Variants in MPRIP observed in about 807,000 individuals in gnomAD.
MPRIP encodes the protein myosin phosphatase Rho-interacting protein.
A neutral mutation model predicts 234.9 loss-of-function variants in MPRIP; 59 were observed. The observed-to-expected ratio is 0.25, with a 90% confidence interval of 0.20 to 0.31. The LOEUF (loss-of-function observed/expected upper bound fraction) is 0.31. MPRIP is among the 10% of genes least tolerant of loss of function. The probability of loss-of-function intolerance (pLI) is 1.00; values close to 1 mark genes in which losing one functional copy is unlikely to be tolerated. For missense variants in MPRIP, 2,436 were observed against 3,071.0 expected (o/e 0.79, Z 4.89); for synonymous variants, 1,144 against 1,263.9 (o/e 0.91, Z 2.01).
At chr17:17,115,513 T>C (rs1327367183) in intron 3 of MPRIP, among the ~76,000 whole-genome samples, 3 of 152,252 alleles carry the variant, frequency 2.0e-5, no homozygotes, top group African/African-American at 4.8e-5. Flanking sequence ...GCTGAGCCTG[T>C]GGTTTCTCCC....
intron 4 of MPRIP, 49 bp from the exon 5 acceptor site, chr17:17,131,568 C>T: frequency 1.3e-6 from 2 of 1,537,740 alleles, no homozygotes; most frequent in Non-Finnish European, 1.8e-6. Flanking sequence ...GCTCCTAGTC[C>T]CCGAGTGCCA....
chr17:17,151,714 A>G lies in MPRIP; in HGVS notation c.1719+1481A>G, dbSNP rs115787752. ...TACCACCATGAGTAACAAAGACTCTAGTCATTCAGGAAATTCCAAGGTTTG... is the reference window on the plus strand; with the variant it reads ...TACCACCATGAGTAACAAAGACTCTGGTCATTCAGGAAATTCCAAGGTTTG... On this transcript the variant is annotated intron_variant, in intron 12 of 23. Transcript: ENST00000651222. Among the ~76,000 whole-genome samples the G allele has an allele frequency of 5.9e-3, 906 of 152,360 alleles. 7 individuals are homozygous for G. Among genetic ancestry groups the G allele is most frequent in the African/African-American group, 0.021 (864 of 41,588 alleles).
intron 3 of MPRIP, among the ~76,000 whole-genome samples, chr17:17,079,752 A>C (rs1290334064): frequency 6.6e-6 from 1 of 152,252 alleles, no homozygotes; most frequent in African/African-American, 2.4e-5. Flanking sequence ...AGGTCTAACT[A>C]AAGTCCAGCA....
intron 3 of MPRIP, among the ~76,000 whole-genome samples, chr17:17,117,393 C>G (rs1171822658): frequency 3.3e-5 from 5 of 152,228 alleles, no homozygotes; most frequent in Non-Finnish European, 5.9e-5. Context: ...CCCCTGGCAA[C>G]CACTCCTCTG....
chr17:17,100,770 AGTAT>A (rs902022422), intron 3 of MPRIP, among the ~76,000 whole-genome samples: 1 of 152,096 alleles, frequency 6.6e-6, no homozygotes, highest in African/African-American at 2.4e-5. Context: ...CATTATGGTG[AGTAT>A]GTAATAATAA....
At chr17:17,118,669 C>T (rs2090331627) in intron 3 of MPRIP, among the ~76,000 whole-genome samples, 1 of 152,094 alleles carries the variant, frequency 6.6e-6, no homozygotes, top group African/African-American at 2.4e-5. Context: ...CCTGCTAGGC[C>T]CATTGTCAGT....
At position 17,188,271 on chromosome 17, in the gene MPRIP, G is replaced by C. The variant is rs2046516363; in HGVS notation, c.*3377G>C. The C allele has an allele frequency of 6.6e-6, 1 of 152,352 alleles. No homozygotes were observed. Among genetic ancestry groups the C allele is most frequent in the Non-Finnish European group, 1.5e-5 (1 of 68,114 alleles). The allele number at this position is 152,352 out of a possible 1,614,324, so 9.4% of individuals were successfully genotyped here. A position where few individuals can be genotyped will look rare whatever the true frequency, so the allele number is the denominator to read the frequency against. On this transcript the variant is annotated 3_prime_UTR_variant, in exon 24 of 24. Transcript: ENST00000651222. ...GAGTCATAATGGGCCTGTGCTAAGT[G>C]GGTGATGCAGTGGACATCCCAGGGC...
intron 14 of MPRIP, among the ~76,000 whole-genome samples, chr17:17,160,430 C>T (rs918026502): frequency 5.9e-5 from 9 of 152,198 alleles, no homozygotes; most frequent in Non-Finnish European, 1.3e-4. Flanking sequence ...GCACCCTGGG[C>T]GGCACTGGCC....
At chr17:17,060,578 T>C (rs1383145145) in intron 1 of MPRIP, among the ~76,000 whole-genome samples, 1 of 152,210 alleles carries the variant, frequency 6.6e-6, no homozygotes, top group Non-Finnish European at 1.5e-5. Context: ...AGAGCTCATA[T>C]GCCCTAAGCC....
At chr17:17,142,117 C>G (rs572661816) in intron 7 of MPRIP, 1 of 158,390 alleles carries the variant, frequency 6.3e-6, no homozygotes, top group East Asian at 1.9e-4. Flanking sequence ...CCTGAGGAGG[C>G]CGCCAGCCCT....
chr17:17,142,914 G>A, intron 8 of MPRIP, 149 bp downstream of exon 8: 1 of 829,712 alleles, frequency 1.2e-6, no homozygotes, highest in South Asian at 1.8e-5. Flanking sequence ...GACTTCTTGA[G>A]AGCAGGCCTG....
At chr17:17,130,973 A>C (rs1037319682) in intron 4 of MPRIP, among the ~76,000 whole-genome samples, 3 of 152,190 alleles carry the variant, frequency 2.0e-5, no homozygotes, top group Non-Finnish European at 2.9e-5. Context: ...ATAGTGGCAG[A>C]ACCAGATCCA....
At chr17:17,131,593 A>C in intron 4 of MPRIP, 24 bp from the exon 5 acceptor site, 1 of 1,608,780 alleles carries the variant, frequency 6.2e-7, no homozygotes, top group Non-Finnish European at 8.5e-7. Flanking sequence ...CTTACCTGGT[A>C]CTTGTCTCCT....
intron 8 of MPRIP, 124 bp from the exon 9 acceptor site, chr17:17,143,432 G>A (rs1597454037): frequency 3.5e-6 from 2 of 575,188 alleles, no homozygotes; most frequent in East Asian, 6.8e-5. Context: ...TGGCTAGGCA[G>A]ATCACTGCCC....
chr17:17,063,587 T>G (rs2088930579), intron 1 of MPRIP, among the ~76,000 whole-genome samples: 1 of 152,102 alleles, frequency 6.6e-6, no homozygotes, highest in Non-Finnish European at 1.5e-5. Flanking sequence ...ATCGACTGTT[T>G]GAGGCCTGCC....
chr17:17,089,017 C>T (rs1336704653), intron 3 of MPRIP, among the ~76,000 whole-genome samples: 3 of 152,172 alleles, frequency 2.0e-5, no homozygotes, highest in Non-Finnish European at 2.9e-5. Context: ...GCTGGTCCAG[C>T]CCACACACAG....
At chr17:17,105,033 C>T (rs1262053996) in intron 3 of MPRIP, among the ~76,000 whole-genome samples, 1 of 152,172 alleles carries the variant, frequency 6.6e-6, no homozygotes, top group Non-Finnish European at 1.5e-5. Context: ...GTGTTTGCTG[C>T]TTTCTCCTGT....
chr17:17,133,240 T>C (rs2090632026), intron 5 of MPRIP, among the ~76,000 whole-genome samples: 1 of 152,202 alleles, frequency 6.6e-6, no homozygotes, highest in Admixed American at 6.5e-5. Context: ...CTCAGGCCCC[T>C]CCTAAGACAA....
At chr17:17,159,279 C>T (rs912836755) in intron 14 of MPRIP, among the ~76,000 whole-genome samples, 69 of 152,230 alleles carry the variant, frequency 4.5e-4, no homozygotes, top group Admixed American at 4.4e-3. Context: ...AGGCAAGCGG[C>T]GTTGCAGGGC....
Sources: gnomAD v4.1 joint callset for allele counts (sites outside exome capture counted in the v4.1 genomes callset) on GRCh38, gnomAD v4.1.1 for gene constraint, MANE v1.5 for transcripts, NCBI Gene and HGNC (gene_info 2026-07-23, HGNC 2026-07-21) for gene names.